The following MRPS27 variants were observed in gnomAD, a reference collection of about 807,000 sequenced individuals.
MRPS27 encodes mitochondrial ribosomal protein S27, also known as small ribosomal subunit protein mS27.
MRPS27 carries 43 observed loss-of-function variants against 48.9 expected under a neutral mutation model. The ratio of observed to expected loss-of-function variants is 0.88; its 90% CI spans 0.69 to 1.13. The LOEUF is 1.13. MRPS27 is among the 50% of genes most tolerant of loss of function. MRPS27 has a pLI of 0.00. For missense variants in MRPS27, 467 were observed against 476.3 expected, an observed-to-expected ratio of 0.98 and a Z score of 0.18; for synonymous variants, 188 against 171.9, an observed-to-expected ratio of 1.09 and a Z score of -0.73.
At chr5:72,308,243 G>A (rs1186121124) in intron 2 of MRPS27, among the ~76,000 whole-genome samples, 2 of 152,208 alleles carry the variant, frequency 1.3e-5, no homozygotes, top group Non-Finnish European at 2.9e-5. Context: ...GGAACCGCAA[G>A]CCCACTCCGA....
At chr5:72,288,525 T>C (rs985304054) in intron 4 of MRPS27, among the ~76,000 whole-genome samples, 2 of 152,202 alleles carry the variant, frequency 1.3e-5, no homozygotes, top group Non-Finnish European at 2.9e-5. Flanking sequence ...GGCCAAGAAT[T>C]CTAATCCTTA....
At chr5:72,305,689 C>T (rs1354751087) in intron 2 of MRPS27, among the ~76,000 whole-genome samples, 1 of 152,190 alleles carries the variant, frequency 6.6e-6, no homozygotes, top group Non-Finnish European at 1.5e-5. Flanking sequence ...CACCTGAGTG[C>T]TCGCTCCTTG....
chr5:72,251,062 C>T (rs1357683285), intron 4 of MRPS27, among the ~76,000 whole-genome samples: 1 of 152,148 alleles, frequency 6.6e-6, no homozygotes, highest in Non-Finnish European at 1.5e-5. Context: ...ACAACTTGGA[C>T]AGAGCAGTCA....
intron 4 of MRPS27, among the ~76,000 whole-genome samples, chr5:72,243,348 T>C (rs957666291): frequency 6.6e-6 from 1 of 152,218 alleles, no homozygotes; most frequent in African/African-American, 2.4e-5. Context: ...ATTTTCTTTT[T>C]CATCCTGCTG....
rs970138396 is a variant in MRPS27, at chr5:72,220,806, A to G, written c.*103T>C. On this transcript the variant is annotated 3_prime_UTR_variant, in exon 11 of 11. Coordinates refer to ENST00000261413, the MANE Select transcript of MRPS27 (RefSeq NM_015084.3). ...GCACATAGCCTGCTTTAAGAAAAGAAGATGGGTAGAGGAAGCTGAGGCTGT... is the reference window on the plus strand; with the variant it reads ...GCACATAGCCTGCTTTAAGAAAAGAGGATGGGTAGAGGAAGCTGAGGCTGT... 6.9e-5 allele frequency: 104 copies of G among 1,497,262 alleles called. No homozygotes were observed. The highest frequency in any genetic ancestry group is 1.5e-4 in the Admixed American group (7 of 47,848). The allele number at this position is 1,497,262 out of a possible 1,614,324, so 92.7% of individuals were successfully genotyped here.
At chr5:72,314,700 T>C (rs1422736144) in intron 1 of MRPS27, 1 of 152,272 alleles carries the variant, frequency 6.6e-6, no homozygotes, top group Non-Finnish European at 1.5e-5. Flanking sequence ...CATAATTTTA[T>C]GGATAAAACT....
At chr5:72,307,671 A>C (rs1363687550) in intron 2 of MRPS27, among the ~76,000 whole-genome samples, 1 of 143,454 alleles carries the variant, frequency 7.0e-6, no homozygotes, top group East Asian at 2.3e-4. Flanking sequence ...ATGTTAAAAC[A>C]CTAAAAAAAA....
rs1748942636 is a variant in MRPS27 at position 72,260,733 on chromosome 5, A to C, written c.282-22605T>G. Among the ~76,000 whole-genome samples, 3 of 152,226 alleles carry C rather than the reference A, an allele frequency of 2.0e-5. No homozygotes were observed. In the South Asian group the frequency reaches 6.2e-4, roughly 32 times the overall value. ...AATCTAGTCTAATAATGAAATGGTCAAACAGTCAAAATGTCACAAGTAATT... is the reference window on the plus strand; with the variant it reads ...AATCTAGTCTAATAATGAAATGGTCCAACAGTCAAAATGTCACAAGTAATT... On this transcript the variant is annotated intron_variant, in intron 4 of 10. Transcript: ENST00000261413.
At chr5:72,298,631 G>A (rs959461200) in intron 2 of MRPS27, among the ~76,000 whole-genome samples, 5 of 151,308 alleles carry the variant, frequency 3.3e-5, no homozygotes, top group South Asian at 4.2e-4. Flanking sequence ...GCGTGAACCC[G>A]GGAAGCGGAG....
rs1431233966 is a variant in MRPS27, at chr5:72,274,531, C to T, written c.281+21000G>A. Among the ~76,000 whole-genome samples, 4 of 152,172 alleles carry T rather than the reference C, an allele frequency of 2.6e-5. No individual in the cohort carries two copies. The South Asian group carries it at 6.2e-4, about 24-fold the overall frequency. On this transcript the variant is annotated intron_variant, in intron 4 of 10. Coordinates refer to ENST00000261413, the MANE Select transcript of MRPS27 (RefSeq NM_015084.3). ...GATAACAACGCCTTCTTCTGGATAC[C>T]TCCTGAAGGACCTGCCTGAGGCTGT...
At chr5:72,253,061 C>T (rs1748708941) in intron 4 of MRPS27, among the ~76,000 whole-genome samples, 2 of 152,222 alleles carry the variant, frequency 1.3e-5, no homozygotes, top group Admixed American at 1.3e-4. Flanking sequence ...TCCACTCACA[C>T]TTCTACTTTG....
chr5:72,315,557 GAAAAAAA>G (rs564206800), intron 1 of MRPS27, among the ~76,000 whole-genome samples: 1 of 85,032 alleles, frequency 1.2e-5, no homozygotes, highest in African/African-American at 4.4e-5. Flanking sequence ...ACTCTGTTTC[GAAAAAAA>G]AAAAAAAAGA....
At chr5:72,297,305 G>A (rs1370392703) in intron 3 of MRPS27, among the ~76,000 whole-genome samples, 3 of 151,756 alleles carry the variant, frequency 2.0e-5, no homozygotes, top group Non-Finnish European at 4.4e-5. Flanking sequence ...CAATACTAAC[G>A]GGTAAATATC....
chr5:72,264,659 A>G (rs1749065881), intron 4 of MRPS27, among the ~76,000 whole-genome samples: 1 of 152,216 alleles, frequency 6.6e-6, no homozygotes, highest in Non-Finnish European at 1.5e-5. Context: ...ATGTGATGGC[A>G]AAGGCACAGA....
At chr5:72,261,530 A>T (rs1158284027) in intron 4 of MRPS27, among the ~76,000 whole-genome samples, 1 of 152,152 alleles carries the variant, frequency 6.6e-6, no homozygotes, top group Non-Finnish European at 1.5e-5. Flanking sequence ...AAAAAAACAA[A>T]AACTGTTACT....
chr5:72,285,706 G>A (rs1749654143), intron 4 of MRPS27, among the ~76,000 whole-genome samples: 1 of 152,136 alleles, frequency 6.6e-6, no homozygotes, highest in Non-Finnish European at 1.5e-5. Flanking sequence ...AAACATTTTT[G>A]TAGAAACGGA....
chr5:72,236,571 C>T (rs544388514), intron 5 of MRPS27, among the ~76,000 whole-genome samples: 15 of 152,244 alleles, frequency 9.9e-5, no homozygotes, highest in African/African-American at 2.6e-4. Context: ...TTAATCCATT[C>T]CTTCCTCTGG....
rs778686176 is a variant in MRPS27, at chr5:72,320,181, C to G, written c.41G>C (p.Arg14Pro). 2.5e-6 allele frequency: 4 copies of G among 1,613,984 alleles called. No individual in the cohort carries two copies. The highest frequency in any genetic ancestry group is 3.4e-6 in the Non-Finnish European group (4 of 1,179,890). ...AGAGAGCTGAGGAAGAACCACTTGC[C>G]GCGCCAGGAGCATCCCGCGCCGCAC... Reference protein sequence around the residue: ...SIVRRGMLLARQVVLPQLSPA... With the variant: ...SIVRRGMLLAPQVVLPQLSPA... Residue 14 changes from arginine (R) to proline (P), a missense_variant, in exon 1 of 11, where the codon CGG becomes CCG. Arg to Pro is a moderately radical substitution (Grantham distance 103). Transcript: ENST00000261413.
chr5:72,242,278 T>C (rs1748371929), intron 4 of MRPS27, among the ~76,000 whole-genome samples: 1 of 152,162 alleles, frequency 6.6e-6, no homozygotes, highest in Non-Finnish European at 1.5e-5. Flanking sequence ...TAAGGGCATC[T>C]GCCTGCACTG....
Sources: allele counts gnomAD v4.1 joint callset (sites outside exome capture counted in the v4.1 genomes callset), GRCh38; gene constraint gnomAD v4.1.1; transcripts MANE v1.5; gene names NCBI Gene and HGNC (gene_info 2026-07-23, HGNC 2026-07-21).